Variants in NECAB1 observed in about 807,000 individuals in gnomAD.
NECAB1 encodes N-terminal EF-hand calcium-binding protein 1.
Under a neutral mutation model 57.5 loss-of-function variants are expected in NECAB1, and 29 were observed. The ratio of observed to expected loss-of-function variants is 0.50; its 90% CI spans 0.38 to 0.69. The LOEUF is 0.69. Among genes scored for constraint, NECAB1 ranks in the 30% least tolerant of loss-of-function variants. The probability of loss-of-function intolerance (pLI) is 0.00; values close to 1 mark genes in which losing one functional copy is unlikely to be tolerated. For missense variants in NECAB1, 372 were observed against 413.8 expected (o/e 0.90, Z 0.88); for synonymous variants, 142 against 147.7 (o/e 0.96, Z 0.28).
At chr8:90,818,425 T>A (rs1376033090) in intron 2 of NECAB1, among the ~76,000 whole-genome samples, 1 of 152,090 alleles carries the variant, frequency 6.6e-6, no homozygotes, top group Non-Finnish European at 1.5e-5. Context: ...TGCAGAGCAA[T>A]TCTGCTCACA....
intron 11 of NECAB1, 42 bp downstream of exon 11, chr8:90,949,926 G>C: frequency 8.4e-7 from 1 of 1,187,022 alleles, no homozygotes; most frequent in Non-Finnish European, 1.2e-6. Flanking sequence ...AGCCAGGAAG[G>C]TGGCAATATG....
intron 3 of NECAB1, among the ~76,000 whole-genome samples, chr8:90,866,299 T>A (rs1273685763): frequency 6.6e-6 from 1 of 152,198 alleles, no homozygotes; most frequent in Non-Finnish European, 1.5e-5. Context: ...AATAAACCAA[T>A]GGGTGCATCT....
At chr8:90,954,389 T>C (rs1200424588) in intron 12 of NECAB1, among the ~76,000 whole-genome samples, 2 of 151,990 alleles carry the variant, frequency 1.3e-5, no homozygotes, top group Admixed American at 1.3e-4. Flanking sequence ...AAATGAAGCA[T>C]ACTGGAATAT....
At chr8:90,796,773 T>G (rs556384912) in intron 1 of NECAB1, among the ~76,000 whole-genome samples, 1 of 152,176 alleles carries the variant, frequency 6.6e-6, no homozygotes, top group Non-Finnish European at 1.5e-5. Context: ...CCGGAGTACA[T>G]TTTTTATTAG....
chr8:90,794,145 G>A (rs564611545), intron 1 of NECAB1, among the ~76,000 whole-genome samples: 79 of 152,240 alleles, frequency 5.2e-4, no homozygotes, highest in African/African-American at 1.6e-3. Flanking sequence ...AAATGGAAAA[G>A]ATTTTGTTTA....
chr8:90,919,247 G>C (rs1810048088), intron 6 of NECAB1, among the ~76,000 whole-genome samples: 1 of 152,026 alleles, frequency 6.6e-6, no homozygotes, highest in Non-Finnish European at 1.5e-5. Flanking sequence ...CTTGCTCCTG[G>C]GGCATATTTT....
chr8:90,829,801 G>A (rs1338926325), intron 3 of NECAB1, among the ~76,000 whole-genome samples: 2 of 151,980 alleles, frequency 1.3e-5, no homozygotes, highest in African/African-American at 4.8e-5. Flanking sequence ...AAACCAAACT[G>A]AAATCTGTCT....
At chr8:90,819,141 G>A (rs771013743) in intron 2 of NECAB1, among the ~76,000 whole-genome samples, 1 of 151,640 alleles carries the variant, frequency 6.6e-6, no homozygotes, top group Non-Finnish European at 1.5e-5. Context: ...TTTATTTCTA[G>A]TATTTTTTTC....
intron 5 of NECAB1, among the ~76,000 whole-genome samples, chr8:90,915,455 A>G (rs1463422294): frequency 1.3e-5 from 2 of 152,166 alleles, no homozygotes; most frequent in African/African-American, 4.8e-5. Flanking sequence ...AAAACTCTTA[A>G]GATTATTATA....
chr8:90,813,421 A>C (rs1017386070), intron 2 of NECAB1, among the ~76,000 whole-genome samples: 10 of 152,074 alleles, frequency 6.6e-5, no homozygotes, highest in African/African-American at 2.4e-4. Flanking sequence ...AATATCTAAT[A>C]TGAATAAGTA....
In NECAB1 at chr8:90,907,188, G is replaced by GAGAGAGAGAGAGAGAGA. The variant is rs370070496; in HGVS notation, c.358-10303_358-10302insGAGAGAGAGAGAGAGAA. Among the ~76,000 whole-genome samples, 42 of 142,464 alleles carry GAGAGAGAGAGAGAGAGA rather than the reference G, an allele frequency of 2.9e-4. No homozygotes were observed. The East Asian group carries it at 5.1e-3, about 17-fold the overall frequency. 93.5% of individuals were successfully genotyped at this position (142,464 alleles called of 152,430 possible). ...AGAGAGAGAGAGAGAGAGAGAGAGA[G>GAGAGAGAGAGAGAGAGA]AATTAGTAGACTGCATTGTTTTAGC... is the stretch of plus-strand genomic sequence containing the variant. On this transcript the variant is annotated intron_variant, in intron 5 of 12. Transcript: ENST00000417640.
chr8:90,794,362 T>C (rs1811625724), intron 1 of NECAB1, among the ~76,000 whole-genome samples: 1 of 152,228 alleles, frequency 6.6e-6, no homozygotes, highest in Non-Finnish European at 1.5e-5. Flanking sequence ...CTTTTAAAAT[T>C]ATCTTCATAT....
intron 10 of NECAB1, among the ~76,000 whole-genome samples, chr8:90,945,626 A>G (rs960729355): frequency 1.3e-5 from 2 of 152,180 alleles, no homozygotes; most frequent in African/African-American, 4.8e-5. Flanking sequence ...GATTTAAGGT[A>G]GGACATGCAC....
intron 3 of NECAB1, among the ~76,000 whole-genome samples, chr8:90,867,655 T>C (rs1053988956): frequency 2.6e-5 from 4 of 152,248 alleles, no homozygotes; most frequent in African/African-American, 9.6e-5. Flanking sequence ...TTTATTTGTT[T>C]ATCAATTATA....
At chr8:90,895,093 G>A (rs961038354) in intron 5 of NECAB1, among the ~76,000 whole-genome samples, 9 of 151,918 alleles carry the variant, frequency 5.9e-5, no homozygotes, top group Non-Finnish European at 1.2e-4. Context: ...ACATATGATT[G>A]CATAGAGGCA....
At chr8:90,848,505 T>C (rs935706278) in intron 3 of NECAB1, among the ~76,000 whole-genome samples, 1 of 152,026 alleles carries the variant, frequency 6.6e-6, no homozygotes. Flanking sequence ...GTTAGTTCAT[T>C]TTCACACTAC....
intron 5 of NECAB1, among the ~76,000 whole-genome samples, chr8:90,916,803 C>T (rs545997690): frequency 6.6e-6 from 1 of 152,240 alleles, no homozygotes; most frequent in African/African-American, 2.4e-5. Flanking sequence ...ATTCAGTCTG[C>T]AGTGACCTCT....
intron 3 of NECAB1, among the ~76,000 whole-genome samples, chr8:90,849,861 G>C (rs990605485): frequency 6.6e-6 from 1 of 151,792 alleles, no homozygotes; most frequent in South Asian, 2.1e-4. Context: ...TTAACAAAAC[G>C]GCCATAGTGG....
In NECAB1 at chr8:90,951,097, A is replaced by AT. The variant is rs1563547539; in HGVS notation, c.939-15dup. 1.3e-6 allele frequency: 2 copies of AT among 1,501,472 alleles called. No individual in the cohort carries two copies. Among genetic ancestry groups the AT allele is most frequent in the Non-Finnish European group, 1.8e-6 (2 of 1,089,980 alleles). The allele number at this position is 1,501,472 out of a possible 1,614,324, so 93.0% of individuals were successfully genotyped here. A position where few individuals can be genotyped will look rare whatever the true frequency, so the allele number is the denominator to read the frequency against. ...AAATAAAAATGCACAGCCTTAACCT[A>AT]TAATTATTTATACAGCCACCTTCAG... On this transcript the variant is annotated splice_polypyrimidine_tract_variant and intron_variant, in intron 11 of 12. Transcript: ENST00000417640.
Sources: gnomAD v4.1 joint callset for allele counts (sites outside exome capture counted in the v4.1 genomes callset) on GRCh38, gnomAD v4.1.1 for gene constraint, MANE v1.5 for transcripts, NCBI Gene and HGNC (gene_info 2026-07-23, HGNC 2026-07-21) for gene names.